The following PDE7B variants were observed in gnomAD, a reference collection of about 807,000 sequenced individuals.
PDE7B encodes the protein phosphodiesterase 7B, also known as 3',5'-cyclic-AMP phosphodiesterase 7B.
In PDE7B, 29 loss-of-function variants were observed where a neutral mutation model predicts 56.2. That is an observed-to-expected ratio of 0.52 (90% CI 0.38 to 0.70). PDE7B has a LOEUF of 0.70. Among genes scored for constraint, PDE7B ranks in the 30% least tolerant of loss-of-function variants. PDE7B has a pLI of 0.00. For synonymous variants in PDE7B, 197 were observed against 196.9 expected (o/e 1.00, Z 0.00); for missense variants, 490 against 565.0 (o/e 0.87, Z 1.35).
intron 1 of PDE7B, among the ~76,000 whole-genome samples, chr6:135,909,287 C>G (rs2128193428): frequency 6.6e-6 from 1 of 152,168 alleles, no homozygotes; most frequent in African/African-American, 2.4e-5. Context: ...CTTTCGTGCC[C>G]TGAAGATGGG....
chr6:135,865,324 G>A (rs538834774), intron 1 of PDE7B, among the ~76,000 whole-genome samples: 1 of 151,984 alleles, frequency 6.6e-6, no homozygotes, highest in African/African-American at 2.4e-5. Flanking sequence ...ATTTCCCTAA[G>A]TCTTTCTTCA....
chr6:136,189,785 C>T (rs1157189894), intron 12 of PDE7B, among the ~76,000 whole-genome samples: 12 of 151,862 alleles, frequency 7.9e-5, no homozygotes, highest in Admixed American at 7.9e-4. Flanking sequence ...CAGCTCATCC[C>T]TTGAGAAAAG....
intron 3 of PDE7B, among the ~76,000 whole-genome samples, chr6:136,129,638 G>A (rs566697381): frequency 6.6e-6 from 1 of 152,202 alleles, no homozygotes; most frequent in Non-Finnish European, 1.5e-5. Context: ...CCAGCCCAGT[G>A]TCTGAGCCAA....
At chr6:135,942,865 G>A (rs1227786131) in intron 1 of PDE7B, among the ~76,000 whole-genome samples, 3 of 152,016 alleles carry the variant, frequency 2.0e-5, no homozygotes, top group Admixed American at 1.3e-4. Flanking sequence ...TCCATTGTGT[G>A]TGTGTGTGTA....
chr6:136,040,949 A>G (rs1293705208), intron 2 of PDE7B, among the ~76,000 whole-genome samples: 1 of 152,156 alleles, frequency 6.6e-6, no homozygotes, highest in Non-Finnish European at 1.5e-5. Flanking sequence ...CCTCTTTGCT[A>G]TCTTTACCTG....
At position 136,191,860 on chromosome 6, in the gene PDE7B, G is replaced by A. The variant is rs200461430; in HGVS notation, c.*20G>A. The A allele has an allele frequency of 3.9e-5, 60 of 1,532,334 alleles. No homozygotes were observed. The East Asian group carries it at 1.3e-3, about 34-fold the overall frequency. 94.9% of individuals were successfully genotyped at this position (1,532,334 alleles called of 1,614,324 possible). On this transcript the variant is annotated 3_prime_UTR_variant, in exon 13 of 13. Transcript: ENST00000308191. ...CCCTAGGGGCCGGCCCAACTTAGAC[G>A]CGGCTCTCCTCCGGCAGGGCCCCCA...
chr6:136,071,168 A>G (rs1268588552), intron 2 of PDE7B: 1 of 152,136 alleles, frequency 6.6e-6, no homozygotes, highest in Non-Finnish European at 1.5e-5. Flanking sequence ...TGACTTGCCC[A>G]TCTGTATTTC....
intron 2 of PDE7B, among the ~76,000 whole-genome samples, chr6:136,019,202 AAG>A (rs1337832758): frequency 6.6e-6 from 1 of 152,196 alleles, no homozygotes; most frequent in Non-Finnish European, 1.5e-5. Context: ...TCAACCAAGC[AAG>A]ATTAATAAAC....
In PDE7B at chr6:135,851,816, C is replaced by T. The variant is rs1774945603; in HGVS notation, c.-183C>T. 1 of 587,314 alleles carries T rather than the reference C, an allele frequency of 1.7e-6. No individual in the cohort carries two copies. Among genetic ancestry groups the T allele is most frequent in the Non-Finnish European group, 3.0e-6 (1 of 330,870 alleles). The allele number at this position is 587,314 out of a possible 1,614,324, so 36.4% of individuals were successfully genotyped here. A position where few individuals can be genotyped will look rare whatever the true frequency, so the allele number is the denominator to read the frequency against. On this transcript the variant is annotated 5_prime_UTR_variant, in exon 1 of 13. Transcript: ENST00000308191. ...TCTACCTTCCTTCTTTCTCGATCTC[C>T]TTGTGTGCTTTTGTGTTTCTTTATT...
chr6:135,903,898 AAT>A (rs1776050011), intron 1 of PDE7B, among the ~76,000 whole-genome samples: 1 of 152,230 alleles, frequency 6.6e-6, no homozygotes, highest in Non-Finnish European at 1.5e-5. Context: ...TAGAAGGTGA[AAT>A]ATATGAGAAA....
chr6:136,145,621 T>C (rs1358176810), intron 3 of PDE7B, among the ~76,000 whole-genome samples: 1 of 152,186 alleles, frequency 6.6e-6, no homozygotes, highest in East Asian at 1.9e-4. Context: ...GTCTTCATGG[T>C]ACCTGACCCA....
At chr6:136,183,328 T>C (rs938015972) in intron 11 of PDE7B, among the ~76,000 whole-genome samples, 1 of 151,940 alleles carries the variant, frequency 6.6e-6, no homozygotes, top group Non-Finnish European at 1.5e-5. Flanking sequence ...GCATGGTGGC[T>C]CACGCCTGTA....
chr6:136,182,549 C>T (rs1779083249), intron 11 of PDE7B, among the ~76,000 whole-genome samples: 2 of 152,214 alleles, frequency 1.3e-5, no homozygotes, highest in African/African-American at 4.8e-5. Context: ...AGAGTCTACT[C>T]TAGCCCACTT....
chr6:136,076,258 A>C (rs767686664), intron 2 of PDE7B, among the ~76,000 whole-genome samples: 8 of 152,104 alleles, frequency 5.3e-5, no homozygotes, highest in Non-Finnish European at 8.8e-5. Flanking sequence ...ATCACTTGAG[A>C]GGTCAGGAGT....
intron 2 of PDE7B, among the ~76,000 whole-genome samples, chr6:135,953,448 G>A (rs572395801): frequency 6.6e-6 from 1 of 152,218 alleles, no homozygotes; most frequent in South Asian, 2.1e-4. Context: ...AGGGGTTGTA[G>A]ACCTGTTTAC....
chr6:136,010,088 A>G (rs1027476174), intron 2 of PDE7B, among the ~76,000 whole-genome samples: 8 of 152,200 alleles, frequency 5.3e-5, no homozygotes, highest in South Asian at 2.1e-4. Context: ...ATTTAGTGGT[A>G]TGAATTTCCC....
At chr6:135,994,116 CTGTGTGTGTGTG>C (rs3220309) in intron 2 of PDE7B, among the ~76,000 whole-genome samples, 2,583 of 138,690 alleles carry the variant, frequency 0.019, 45 homozygotes, top group Admixed American at 0.048. Context: ...TGTATTGGAT[CTGTGTGTGTGTG>C]TGTGTGTGTG....
chr6:135,984,066 T>C (rs1286227194), intron 2 of PDE7B, among the ~76,000 whole-genome samples: 1 of 152,228 alleles, frequency 6.6e-6, no homozygotes, highest in East Asian at 1.9e-4. Flanking sequence ...TCCTGCAGTG[T>C]GTATCTGGCA....
intron 1 of PDE7B, among the ~76,000 whole-genome samples, chr6:135,944,155 G>A (rs1010897622): frequency 2.0e-5 from 3 of 152,208 alleles, no homozygotes; most frequent in African/African-American, 7.2e-5. Context: ...CAGGGTGCTT[G>A]CATGGGGACT....
Sources: gnomAD v4.1 joint callset for allele counts (sites outside exome capture counted in the v4.1 genomes callset) on GRCh38, gnomAD v4.1.1 for gene constraint, MANE v1.5 for transcripts, NCBI Gene and HGNC (gene_info 2026-07-23, HGNC 2026-07-21) for gene names.